Variants in SLC9A4 observed in about 807,000 individuals in gnomAD.
The protein encoded by SLC9A4 is sodium/hydrogen exchanger 4.
In SLC9A4, 63 loss-of-function variants were observed where a neutral mutation model predicts 67.4. The ratio of observed to expected loss-of-function variants is 0.93; its 90% confidence interval spans 0.76 to 1.15. The LOEUF is 1.15. Ranked by LOEUF, SLC9A4 falls within the 50% of genes most tolerant of loss-of-function variation. The pLI is 0.00. For missense variants in SLC9A4, 1,089 were observed against 987.7 expected (o/e 1.10, Z -1.38); for synonymous variants, 393 against 367.2 (o/e 1.07, Z -0.80).
intron 9 of SLC9A4, among the ~76,000 whole-genome samples, chr2:102,524,181 G>A (rs951989052): frequency 7.9e-5 from 12 of 152,154 alleles, no homozygotes; most frequent in African/African-American, 1.2e-4. Context: ...TACAGCATCC[G>A]TCACTTGGGA....
intron 3 of SLC9A4, among the ~76,000 whole-genome samples, 190 bp downstream of exon 3, chr2:102,503,897 C>T (rs4851015): frequency 0.77 from 117,120 of 152,154 alleles, 46,185 homozygotes; most frequent in African/African-American, 0.91. Context: ...CTCTCCAATG[C>T]CTGCCTTCAT....
chr2:102,528,980 T>C (rs1423372700), intron 11 of SLC9A4, among the ~76,000 whole-genome samples: 1 of 152,226 alleles, frequency 6.6e-6, no homozygotes, highest in African/African-American at 2.4e-5. Flanking sequence ...TGCAATTGTA[T>C]TGTCCTGATG....
chr2:102,476,928 C>T (rs374584795), intron 1 of SLC9A4, among the ~76,000 whole-genome samples: 2 of 152,140 alleles, frequency 1.3e-5, no homozygotes, highest in Admixed American at 6.5e-5. Flanking sequence ...GTGCTTACAC[C>T]AACCCTGAAG....
intron 2 of SLC9A4, among the ~76,000 whole-genome samples, chr2:102,483,545 G>T (rs1240061195): frequency 3.9e-5 from 6 of 152,066 alleles, no homozygotes; most frequent in African/African-American, 1.4e-4. Flanking sequence ...AGAAGGGGTT[G>T]CTCCCAACAG....
intron 2 of SLC9A4, among the ~76,000 whole-genome samples, chr2:102,482,159 C>A (rs1558659627): frequency 1.3e-5 from 2 of 152,192 alleles, no homozygotes; most frequent in Non-Finnish European, 2.9e-5. Context: ...GGACTCCAGA[C>A]TGTCATAGGA....
rs904040215 is a variant in SLC9A4, at chr2:102,533,766, A to G, written c.*1078A>G. Reference sequence around the variant, plus strand: ...GTGTTTGGTTTTTTGTTCTTGGGATAGTTTACTGAGAATGATGATTTCCAA... The same window carrying G: ...GTGTTTGGTTTTTTGTTCTTGGGATGGTTTACTGAGAATGATGATTTCCAA... On this transcript the variant is annotated 3_prime_UTR_variant, in exon 12 of 12. Transcript: ENST00000295269. The G allele has an allele frequency of 1.9e-4, 29 of 150,968 alleles. No individual in the cohort carries two copies. 9.4% of individuals were successfully genotyped at this position (150,968 alleles called of 1,614,324 possible).
intron 8 of SLC9A4, among the ~76,000 whole-genome samples, chr2:102,517,006 A>G (rs1450750727): frequency 6.6e-6 from 1 of 152,206 alleles, no homozygotes; most frequent in Non-Finnish European, 1.5e-5. Context: ...GTAGTCTAAG[A>G]ATTTTCTAAT....
chr2:102,518,075 G>T (rs1685313449), intron 8 of SLC9A4, among the ~76,000 whole-genome samples: 1 of 152,196 alleles, frequency 6.6e-6, no homozygotes, highest in South Asian at 2.1e-4. Flanking sequence ...AATGATAGCT[G>T]ATATAATTCC....
chr2:102,486,416 C>T (rs1250872938), intron 2 of SLC9A4, among the ~76,000 whole-genome samples: 3 of 152,226 alleles, frequency 2.0e-5, no homozygotes, highest in Non-Finnish European at 4.4e-5. Context: ...CCTAATGATG[C>T]CACATCTTCG....
At chr2:102,481,943 C>T (rs1326325387) in intron 2 of SLC9A4, among the ~76,000 whole-genome samples, 1 of 151,982 alleles carries the variant, frequency 6.6e-6, no homozygotes, top group Non-Finnish European at 1.5e-5. Flanking sequence ...GAGGAAAAGT[C>T]CCCCTTTGAA....
chr2:102,497,351 C>T (rs941361045), intron 2 of SLC9A4, among the ~76,000 whole-genome samples: 1 of 152,092 alleles, frequency 6.6e-6, no homozygotes, highest in African/African-American at 2.4e-5. Flanking sequence ...CATAGGTCTA[C>T]AAAAAAGGCT....
At position 102,491,224 on chromosome 2, in the gene SLC9A4, C is replaced by T. The variant is rs548535188; in HGVS notation, c.720+11922C>T. Among the ~76,000 whole-genome samples the T allele has an allele frequency of 1.2e-4, 18 of 149,882 alleles. No homozygotes were observed. In the East Asian group the frequency reaches 1.4e-3, roughly 12 times the overall value. On this transcript the variant is annotated intron_variant, in intron 2 of 11. Coordinates refer to ENST00000295269, the MANE Select transcript of SLC9A4 (RefSeq NM_001011552.4). ...ACTAATAGCTATTACATTGTCATTTCGGAGCCTCATCAGGGATGCATTTGG... is the reference window on the plus strand; with the variant it reads ...ACTAATAGCTATTACATTGTCATTTTGGAGCCTCATCAGGGATGCATTTGG...
rs189708247 is a variant in SLC9A4, at chr2:102,516,905, G to A, written c.1721+2654G>A. Among the ~76,000 whole-genome samples the A allele has an allele frequency of 4.8e-3, 736 of 152,184 alleles. 4 individuals carry two copies. The highest frequency in any genetic ancestry group is 8.3e-3 in the Non-Finnish European group (565 of 67,996). ...TTATATATTTATAGGCATAACAAAC[G>A]TAACAACCATGCAACTTCAAAATGC... On this transcript the variant is annotated intron_variant, in intron 8 of 11. Coordinates refer to ENST00000295269, the MANE Select transcript of SLC9A4 (RefSeq NM_001011552.4).
At chr2:102,510,799 A>C (rs1333554611) in intron 6 of SLC9A4, among the ~76,000 whole-genome samples, 1 of 152,214 alleles carries the variant, frequency 6.6e-6, no homozygotes, top group Admixed American at 6.5e-5. Flanking sequence ...GGCAGATTTT[A>C]GTGAAAACAT....
chr2:102,512,814 C>A (rs1573349301), intron 7 of SLC9A4, among the ~76,000 whole-genome samples: 4 of 152,248 alleles, frequency 2.6e-5, no homozygotes, highest in East Asian at 3.9e-4. Context: ...AGGGAGGTTG[C>A]GGCTAGAGTT....
At position 102,533,926 on chromosome 2, in the gene SLC9A4, C is replaced by T. The variant is rs1222971612; in HGVS notation, c.*1238C>T. 1 of 151,296 alleles carries T rather than the reference C, an allele frequency of 6.6e-6. No homozygotes were observed. Among genetic ancestry groups the T allele is most frequent in the African/African-American group, 2.4e-5 (1 of 41,140 alleles). The allele number at this position is 151,296 out of a possible 1,614,324, so 9.4% of individuals were successfully genotyped here. ...CATTTGGGTTGGTTCCAAGTCTTTG[C>T]TATTGTGAATAATGCCGCAATAAAC... On this transcript the variant is annotated 3_prime_UTR_variant, in exon 12 of 12. Coordinates refer to ENST00000295269, the MANE Select transcript of SLC9A4 (RefSeq NM_001011552.4).
intron 2 of SLC9A4, among the ~76,000 whole-genome samples, chr2:102,492,419 C>G (rs1302603461): frequency 6.6e-6 from 1 of 152,260 alleles, no homozygotes; most frequent in Admixed American, 6.5e-5. Flanking sequence ...CAGAGGTTCC[C>G]AAACCTCAAT....
intron 2 of SLC9A4, among the ~76,000 whole-genome samples, chr2:102,490,131 AG>A (rs1684666054): frequency 6.6e-6 from 1 of 152,140 alleles, no homozygotes; most frequent in Non-Finnish European, 1.5e-5. Flanking sequence ...AAACAAATAA[AG>A]GGTCAGTAAT....
intron 2 of SLC9A4, among the ~76,000 whole-genome samples, chr2:102,502,012 T>C (rs1249109479): frequency 6.6e-6 from 1 of 152,168 alleles, no homozygotes; most frequent in Non-Finnish European, 1.5e-5. Flanking sequence ...GCACGCAGAA[T>C]ACCATCACGG....
Sources: allele counts gnomAD v4.1 joint callset (sites outside exome capture counted in the v4.1 genomes callset), GRCh38; gene constraint gnomAD v4.1.1; transcripts MANE v1.5; gene names NCBI Gene and HGNC (gene_info 2026-07-23, HGNC 2026-07-21).